MTMR3: variants seen among roughly 807,000 people sequenced by gnomAD.
The protein encoded by MTMR3 is phosphatidylinositol-3,5-bisphosphate 3-phosphatase MTMR3.
In MTMR3, 32 loss-of-function variants were observed where a neutral mutation model predicts 132.4. The observed-to-expected ratio is 0.24, with a 90% CI of 0.18 to 0.32. The LOEUF (loss-of-function observed/expected upper bound fraction) is 0.32. Among genes scored for constraint, MTMR3 ranks in the 10% least tolerant of loss-of-function variants. The pLI is 1.00. For missense variants in MTMR3, 1,216 were observed against 1,489.6 expected (o/e 0.82, Z 3.02); for synonymous variants, 556 against 550.3 (o/e 1.01, Z -0.14).
At chr22:30,007,805 CT>C (rs1222049237) in intron 10 of MTMR3, 95 bp from the exon 11 acceptor site, 3 of 1,440,380 alleles carry the variant, frequency 2.1e-6, no homozygotes, top group African/African-American at 1.4e-5. Flanking sequence ...TTTATTGAGC[CT>C]TTTTTGTGCC....
intron 1 of MTMR3, among the ~76,000 whole-genome samples, chr22:29,925,125 G>T (rs1056359296): frequency 6.6e-6 from 1 of 152,106 alleles, no homozygotes; most frequent in Non-Finnish European, 1.5e-5. Context: ...TGGCTCCTCC[G>T]AGGCTCAGGG....
chr22:29,885,021 A>G (rs1457925032), intron 1 of MTMR3, among the ~76,000 whole-genome samples: 2 of 152,174 alleles, frequency 1.3e-5, no homozygotes, highest in Non-Finnish European at 2.9e-5. Flanking sequence ...TGACCAGCAC[A>G]GTGGTACAGC....
At chr22:29,942,946 A>T (rs374622027) in intron 1 of MTMR3, among the ~76,000 whole-genome samples, 123 of 152,328 alleles carry the variant, frequency 8.1e-4, no homozygotes, top group African/African-American at 2.7e-3. Context: ...GGATTAAAAG[A>T]TTAAAGTAAA....
intron 1 of MTMR3, among the ~76,000 whole-genome samples, chr22:29,889,166 A>G (rs1036488026): frequency 1.2e-4 from 19 of 152,210 alleles, no homozygotes; most frequent in South Asian, 2.1e-4. Flanking sequence ...TGACATGGGA[A>G]GGCAGAGTGT....
chr22:29,979,726 T>A (rs1453714669), intron 5 of MTMR3: 1 of 152,488 alleles, frequency 6.6e-6, no homozygotes, highest in Non-Finnish European at 1.5e-5. Flanking sequence ...ATAATTCCCT[T>A]GGCCTTAATG....
intron 1 of MTMR3, among the ~76,000 whole-genome samples, chr22:29,888,993 T>G (rs543422110): frequency 1.3e-5 from 2 of 152,136 alleles, no homozygotes; most frequent in Admixed American, 1.3e-4. Flanking sequence ...TCTGGCAAAA[T>G]ATAAGGAAAT....
intron 5 of MTMR3, 183 bp downstream of exon 5, chr22:29,979,235 G>C: frequency 2.2e-6 from 1 of 450,200 alleles, no homozygotes; most frequent in Non-Finnish European, 4.1e-6. Context: ...GCTCACGCCT[G>C]TAATCCCAGC....
rs145953442 is a variant in MTMR3, at chr22:29,994,169, A to G, written c.460+2499A>G. 1,461 of 982,094 alleles carry G rather than the reference A, an allele frequency of 1.5e-3. 9 individuals are homozygous for G. In the South Asian group the frequency reaches 0.02, roughly 13 times the overall value. 60.8% of individuals were successfully genotyped at this position (982,094 alleles called of 1,614,324 possible). A position where few individuals can be genotyped will look rare whatever the true frequency, so the allele number is the denominator to read the frequency against. On this transcript the variant is annotated intron_variant, in intron 7 of 19. Coordinates refer to ENST00000401950, the MANE Select transcript of MTMR3 (RefSeq NM_021090.4). ...ACACTTTGGAAATTATGCAACTACA[A>G]GGTAATGCAATCATAACTGTTTGGC...
chr22:29,906,242 ATCCGTCTG>A (rs1302810381), intron 1 of MTMR3, among the ~76,000 whole-genome samples: 5 of 124,954 alleles, frequency 4.0e-5, no homozygotes, highest in African/African-American at 1.6e-4. Flanking sequence ...TTATCCATCC[ATCCGTCTG>A]TCTGTCTGTC....
intron 1 of MTMR3, among the ~76,000 whole-genome samples, chr22:29,947,101 C>A (rs1246302311): frequency 6.6e-6 from 1 of 152,180 alleles, no homozygotes; most frequent in Non-Finnish European, 1.5e-5. Flanking sequence ...TATACATGTT[C>A]TGACTGAACA....
chr22:29,938,263 A>G (rs962271841), intron 1 of MTMR3, among the ~76,000 whole-genome samples: 1 of 152,180 alleles, frequency 6.6e-6, no homozygotes, highest in Non-Finnish European at 1.5e-5. Flanking sequence ...GCGTAAAGAA[A>G]CCCATAAAGA....
chr22:29,949,141 ACACCCCCCCCCCCC>A (rs2066018232), intron 1 of MTMR3, among the ~76,000 whole-genome samples: 1 of 17,406 alleles, frequency 5.7e-5, no homozygotes, highest in Non-Finnish European at 9.2e-5. Context: ...ACACACACAC[ACACCCCCCCCCCCC>A]CCCCCGAGGC....
intron 1 of MTMR3, among the ~76,000 whole-genome samples, chr22:29,932,393 TAGTTAA>T (rs1352600371): frequency 6.6e-6 from 1 of 152,216 alleles, no homozygotes; most frequent in Non-Finnish European, 1.5e-5. Flanking sequence ...TTTGGTTTCA[TAGTTAA>T]AGTTCTTTTC....
At chr22:29,977,465 T>G (rs958219989) in intron 3 of MTMR3, among the ~76,000 whole-genome samples, 1 of 152,242 alleles carries the variant, frequency 6.6e-6, no homozygotes, top group African/African-American at 2.4e-5. Flanking sequence ...GCTTCCTCTT[T>G]TGAAATTGTC....
intron 1 of MTMR3, among the ~76,000 whole-genome samples, chr22:29,937,727 C>T (rs547102965): frequency 3.9e-5 from 6 of 152,240 alleles, no homozygotes; most frequent in African/African-American, 1.4e-4. Context: ...TGAATCTATG[C>T]TCCTGAGAAA....
intron 5 of MTMR3, chr22:29,983,476 C>G (rs1179200682): frequency 6.6e-6 from 1 of 152,168 alleles, no homozygotes; most frequent in East Asian, 1.9e-4. Flanking sequence ...CCACCACACC[C>G]TGCTGCGAAG....
intron 15 of MTMR3, 163 bp from the exon 16 acceptor site, chr22:30,017,764 G>A (rs1304424567): frequency 1.8e-5 from 14 of 764,920 alleles, no homozygotes; most frequent in Middle Eastern, 2.6e-4. Context: ...TCCTGTATTG[G>A]TCCTCTTGGG....
chr22:29,957,701 T>G (rs2066227267), intron 2 of MTMR3, among the ~76,000 whole-genome samples: 1 of 152,094 alleles, frequency 6.6e-6, no homozygotes, highest in South Asian at 2.1e-4. Flanking sequence ...TTGCTTCTTG[T>G]TTTGAGTTTT....
chr22:30,019,317 T>C, intron 16 of MTMR3, 163 bp from the exon 17 acceptor site: 1 of 665,058 alleles, frequency 1.5e-6, no homozygotes, highest in Non-Finnish European at 2.5e-6. Flanking sequence ...GTTCCGGAGC[T>C]TTGCTGCTCC....
Sources: gnomAD v4.1 joint callset for allele counts (sites outside exome capture counted in the v4.1 genomes callset) on GRCh38, gnomAD v4.1.1 for gene constraint, MANE v1.5 for transcripts, NCBI Gene and HGNC (gene_info 2026-07-23, HGNC 2026-07-21) for gene names.